ERBB4: variants seen among roughly 807,000 people sequenced by gnomAD.
ERBB4 encodes the protein receptor tyrosine-protein kinase erbB-4.
ERBB4 carries 42 observed loss-of-function variants against 158.0 expected under a neutral mutation model. The ratio of observed to expected loss-of-function variants is 0.27; its 90% CI spans 0.21 to 0.34. ERBB4 has a LOEUF of 0.34. ERBB4 is among the 10% of genes least tolerant of loss of function. ERBB4 has a pLI of 1.00. For synonymous variants in ERBB4, 583 were observed against 558.7 expected, an observed-to-expected ratio of 1.04 and a Z score of -0.61; for missense variants, 1,333 against 1,624.1, an observed-to-expected ratio of 0.82 and a Z score of 3.08.
chr2:211,666,258 C>A (rs570765694), intron 14 of ERBB4, among the ~76,000 whole-genome samples: 5 of 151,842 alleles, frequency 3.3e-5, no homozygotes, highest in South Asian at 4.2e-4. Context: ...TTTTGATGAG[C>A]AAAATAGTCC....
chr2:211,552,609 T>C (rs376402253), intron 20 of ERBB4, among the ~76,000 whole-genome samples: 1 of 151,800 alleles, frequency 6.6e-6, no homozygotes, highest in East Asian at 1.9e-4. Context: ...TCAAATCAAT[T>C]AGGGCACCGG....
At chr2:212,482,151 T>A (rs190322151) in intron 1 of ERBB4, among the ~76,000 whole-genome samples, 1 of 152,238 alleles carries the variant, frequency 6.6e-6, no homozygotes, top group South Asian at 2.1e-4. Flanking sequence ...TTCATAAGCA[T>A]GTTGGTAAAT....
At chr2:211,774,913 G>C (rs2075834840) in intron 4 of ERBB4, among the ~76,000 whole-genome samples, 1 of 152,162 alleles carries the variant, frequency 6.6e-6, no homozygotes, top group Non-Finnish European at 1.5e-5. Flanking sequence ...TTAAGTAATA[G>C]ATTAGTCCAA....
chr2:211,431,070 C>T lies in ERBB4; in HGVS notation c.2518G>A (p.Val840Ile), dbSNP rs369248674. Reference sequence around the variant, plus strand: ...TTACGGGCTGCCAAATCCCGATGAACGAGTCGTCTTTCTTCCAGGTACATC... The same window carrying T: ...TTACGGGCTGCCAAATCCCGATGAATGAGTCGTCTTTCTTCCAGGTACATC... ...GMMYLEERRL[V>I]HRDLAARNVL... is the part of the protein sequence containing the mutation. The change falls in exon 21 of 28, where the codon GTT becomes ATT. Residue 840 changes from valine (V) to isoleucine (I), a missense_variant. Physicochemically the swap from Val to Ile is conservative, Grantham distance 29. Coordinates refer to ENST00000342788, the MANE Select transcript of ERBB4 (RefSeq NM_005235.3). 1.1e-5 allele frequency: 18 copies of T among 1,613,692 alleles called. No individual in the cohort carries two copies. The highest frequency in any genetic ancestry group is 2.7e-5 in the African/African-American group (2 of 74,864).
At chr2:212,057,742 G>A (rs188079665) in intron 2 of ERBB4, among the ~76,000 whole-genome samples, 2 of 152,264 alleles carry the variant, frequency 1.3e-5, no homozygotes, top group African/African-American at 4.8e-5. Flanking sequence ...TGAGAACAAA[G>A]ACACAACATA....
chr2:211,804,644 C>T (rs573735589), intron 3 of ERBB4, among the ~76,000 whole-genome samples: 62 of 152,192 alleles, frequency 4.1e-4, no homozygotes, highest in Admixed American at 7.2e-4. Flanking sequence ...TTTTTTAATG[C>T]TCTATAAACA....
intron 3 of ERBB4, among the ~76,000 whole-genome samples, chr2:211,801,299 T>C (rs2076492960): frequency 6.6e-6 from 1 of 152,192 alleles, no homozygotes; most frequent in Non-Finnish European, 1.5e-5. Context: ...CTTATCACAG[T>C]ATCTTTTGTT....
chr2:211,527,536 C>G (rs912328287), intron 20 of ERBB4, among the ~76,000 whole-genome samples: 1 of 151,978 alleles, frequency 6.6e-6, no homozygotes, highest in African/African-American at 2.4e-5. Flanking sequence ...ATGGTAAGTA[C>G]AGAGAATAAT....
chr2:211,393,328 A>T (rs1057499550), intron 25 of ERBB4, among the ~76,000 whole-genome samples: 2 of 152,170 alleles, frequency 1.3e-5, no homozygotes, highest in Non-Finnish European at 2.9e-5. Flanking sequence ...ATTATTAAAA[A>T]TTATAACTCC....
intron 20 of ERBB4, among the ~76,000 whole-genome samples, chr2:211,525,122 G>A (rs936670072): frequency 3.3e-5 from 5 of 152,130 alleles, no homozygotes; most frequent in African/African-American, 1.2e-4. Flanking sequence ...GGAAGTCTGG[G>A]CCACAAAGAC....
At chr2:212,211,629 A>C (rs11442769) in intron 1 of ERBB4, among the ~76,000 whole-genome samples, 3 of 148,486 alleles carry the variant, frequency 2.0e-5, no homozygotes, top group Admixed American at 6.7e-5. Flanking sequence ...AAAAAAAAAA[A>C]TGGATACATG....
At chr2:211,750,838 C>A in intron 4 of ERBB4, 134 bp from the exon 5 acceptor site, 1 of 776,884 alleles carries the variant, frequency 1.3e-6, no homozygotes, top group Non-Finnish European at 2.2e-6. Flanking sequence ...GAAACATAGC[C>A]CATAAAATGC....
intron 20 of ERBB4, among the ~76,000 whole-genome samples, chr2:211,513,732 G>C (rs951722187): frequency 6.6e-6 from 1 of 152,020 alleles, no homozygotes; most frequent in Non-Finnish European, 1.5e-5. Context: ...CCCTGTCTAC[G>C]CTTTGTTAAC....
intron 1 of ERBB4, among the ~76,000 whole-genome samples, chr2:212,163,014 T>C (rs2081247807): frequency 1.3e-5 from 2 of 151,958 alleles, no homozygotes; most frequent in Non-Finnish European, 2.9e-5. Context: ...CACATCAGCA[T>C]TCTTCTTCAA....
intron 20 of ERBB4, among the ~76,000 whole-genome samples, chr2:211,436,260 C>T (rs73067262): frequency 0.014 from 2,077 of 152,174 alleles, 48 homozygotes; most frequent in African/African-American, 0.048. Context: ...TAAATTATAG[C>T]ATCTTTTTGT....
intron 5 of ERBB4, among the ~76,000 whole-genome samples, chr2:211,733,698 TC>T (rs2074507556): frequency 6.7e-6 from 1 of 150,342 alleles, no homozygotes; most frequent in African/African-American, 2.5e-5. Flanking sequence ...AAATTTACTT[TC>T]TTTCTTTTGC....
At chr2:211,540,168 T>C (rs948228435) in intron 20 of ERBB4, among the ~76,000 whole-genome samples, 1 of 147,586 alleles carries the variant, frequency 6.8e-6, no homozygotes, top group Non-Finnish European at 1.5e-5. Context: ...CCCATTAATA[T>C]TGTCCCTGAC....
intron 1 of ERBB4, among the ~76,000 whole-genome samples, chr2:212,356,919 C>T (rs1011456901): frequency 6.6e-6 from 1 of 151,856 alleles, no homozygotes; most frequent in African/African-American, 2.4e-5. Flanking sequence ...CATTATTAAA[C>T]TCTAGATCAT....
rs556881834 is a variant in ERBB4 at position 212,507,052 on chromosome 2, T to C, written c.82+31397A>G. ...GACTTGAAGTTGAGGCCAATGCTCA[T>C]TTACCATTCCAAAATCCTAAAGCCC... On this transcript the variant is annotated intron_variant, in intron 1 of 27. Coordinates refer to ENST00000342788, the MANE Select transcript of ERBB4 (RefSeq NM_005235.3). Among the ~76,000 whole-genome samples the C allele has an allele frequency of 1.7e-4, 26 of 152,290 alleles. No homozygotes were observed. The South Asian group carries it at 5.2e-3, about 30-fold the overall frequency.
Sources: gnomAD v4.1 joint callset for allele counts (sites outside exome capture counted in the v4.1 genomes callset) on GRCh38, gnomAD v4.1.1 for gene constraint, MANE v1.5 for transcripts, NCBI Gene and HGNC (gene_info 2026-07-23, HGNC 2026-07-21) for gene names.